The following AFAP1 variants were observed in gnomAD, a reference collection of about 807,000 sequenced individuals.
AFAP1 encodes actin filament associated protein 1.
A neutral mutation model predicts 93.9 loss-of-function variants in AFAP1; 75 were observed. The ratio of observed to expected loss-of-function variants is 0.80; its 90% CI spans 0.66 to 0.97. The LOEUF is 0.97. Among genes scored for constraint, AFAP1 ranks in the 50% least tolerant of loss-of-function variants. The pLI is 0.00. For synonymous variants in AFAP1, 517 were observed against 430.7 expected, an observed-to-expected ratio of 1.20 and a Z score of -2.48; for missense variants, 1,201 against 1,050.8, an observed-to-expected ratio of 1.14 and a Z score of -1.98.
At chr4:7,812,661 C>A (rs1720149942) in intron 8 of AFAP1, among the ~76,000 whole-genome samples, 1 of 152,154 alleles carries the variant, frequency 6.6e-6, no homozygotes, top group Non-Finnish European at 1.5e-5. Flanking sequence ...CACACGCTGG[C>A]CCATGAGGTG....
chr4:7,890,331 G>T (rs1025728621), intron 1 of AFAP1, among the ~76,000 whole-genome samples: 2 of 152,076 alleles, frequency 1.3e-5, no homozygotes, highest in Non-Finnish European at 2.9e-5. Flanking sequence ...GTCAGTATGG[G>T]GAAAACTAAA....
intron 1 of AFAP1, among the ~76,000 whole-genome samples, chr4:7,932,552 G>A (rs1721135640): frequency 6.6e-6 from 1 of 152,078 alleles, no homozygotes; most frequent in Non-Finnish European, 1.5e-5. Context: ...TCCCCATATG[G>A]GTGTTTCTTC....
chr4:7,815,899 A>T, intron 8 of AFAP1, 119 bp downstream of exon 8: 2 of 844,700 alleles, frequency 2.4e-6, no homozygotes, highest in Non-Finnish European at 3.7e-6. Context: ...GACGATATCT[A>T]CACATCTGAA....
chr4:7,897,862 C>T, intron 1 of AFAP1, among the ~76,000 whole-genome samples: 1 of 152,054 alleles, frequency 6.6e-6, no homozygotes, highest in Non-Finnish European at 1.5e-5. Flanking sequence ...TCTTTTTGGA[C>T]CTCAAATTTA....
intron 1 of AFAP1, among the ~76,000 whole-genome samples, chr4:7,920,766 C>T (rs1222472681): frequency 6.6e-6 from 1 of 151,952 alleles, no homozygotes; most frequent in Non-Finnish European, 1.5e-5. Flanking sequence ...AAGACAATTT[C>T]GATATGTTTG....
At chr4:7,884,160 C>A (rs371810409) in intron 1 of AFAP1, among the ~76,000 whole-genome samples, 1 of 152,162 alleles carries the variant, frequency 6.6e-6, no homozygotes, top group Non-Finnish European at 1.5e-5. Flanking sequence ...CACCTGCTCC[C>A]CCCTTCACCT....
chr4:7,801,278 C>G (rs547989498), intron 9 of AFAP1, among the ~76,000 whole-genome samples: 2 of 152,180 alleles, frequency 1.3e-5, no homozygotes, highest in Non-Finnish European at 2.9e-5. Flanking sequence ...CCTCAAACTG[C>G]AAAGCGACGG....
At position 7,781,530 on chromosome 4, in the gene AFAP1, G is replaced by T; in HGVS notation, c.1628C>A (p.Pro543Gln). The part of the protein sequence containing the change: ...NAGLYDNLPP[P>Q]HIFARYSPAD... ...AGGAGAGTAGCGGGCAAAGATGTGC[G>T]GAGGCGGCAAGTTATCGTACAGGCC... The change falls in exon 13 of 18, where the codon CCG (proline) becomes CAG (glutamine). Residue 543 changes from proline (P) to glutamine (Q), a missense_variant. Coordinates refer to ENST00000420658, the MANE Select transcript of AFAP1 (RefSeq NM_001134647.2). 1 of 1,552,136 alleles carries T rather than the reference G, an allele frequency of 6.4e-7. No individual in the cohort carries two copies. The highest frequency in any genetic ancestry group is 8.7e-7 in the Non-Finnish European group (1 of 1,147,092).
chr4:7,804,274 GCTCACCCAGGGC>G (rs1211735848), intron 9 of AFAP1, among the ~76,000 whole-genome samples: 2 of 152,204 alleles, frequency 1.3e-5, no homozygotes, highest in African/African-American at 4.8e-5. Flanking sequence ...GAGCTTCAAG[GCTCACCCAGGGC>G]GTCTCAAGAT....
At chr4:7,865,359 G>T (rs1012021783) in intron 3 of AFAP1, among the ~76,000 whole-genome samples, 1 of 152,186 alleles carries the variant, frequency 6.6e-6, no homozygotes, top group Non-Finnish European at 1.5e-5. Flanking sequence ...GGTAGCTCAC[G>T]CCTGTAATTC....
chr4:7,801,192 A>G (rs1252482384), intron 9 of AFAP1, among the ~76,000 whole-genome samples: 1 of 152,222 alleles, frequency 6.6e-6, no homozygotes, highest in Non-Finnish European at 1.5e-5. Flanking sequence ...CAGCGCTGGA[A>G]GCAGCCCGCA....
At chr4:7,933,040 A>AAAAAC (rs1553858303) in intron 1 of AFAP1, among the ~76,000 whole-genome samples, 1 of 118,848 alleles carries the variant, frequency 8.4e-6, no homozygotes. Flanking sequence ...AAAAAAAAAA[A>AAAAAC]GGGGGGGGAT....
intron 7 of AFAP1, among the ~76,000 whole-genome samples, chr4:7,817,098 T>G (rs892465120): frequency 6.6e-6 from 1 of 152,156 alleles, no homozygotes. Flanking sequence ...ATGAGGAACT[T>G]GGATGCAGTA....
At chr4:7,930,201 A>G (rs1012033433) in intron 1 of AFAP1, among the ~76,000 whole-genome samples, 3 of 152,248 alleles carry the variant, frequency 2.0e-5, no homozygotes, top group African/African-American at 7.2e-5. Context: ...GCCAAATGCA[A>G]GAGACGCACA....
At chr4:7,804,883 T>C (rs1240525154) in intron 9 of AFAP1, among the ~76,000 whole-genome samples, 1 of 152,164 alleles carries the variant, frequency 6.6e-6, no homozygotes. Context: ...AGAAGCAGCT[T>C]TCGGAGAAAC....
chr4:7,828,498 T>C (rs756573053), intron 6 of AFAP1, among the ~76,000 whole-genome samples: 14 of 152,156 alleles, frequency 9.2e-5, no homozygotes, highest in African/African-American at 3.1e-4. Context: ...GAAGCGGTGA[T>C]GTAAGTCCAG....
intron 6 of AFAP1, among the ~76,000 whole-genome samples, chr4:7,824,705 G>A (rs1469768936): frequency 2.0e-5 from 3 of 152,128 alleles, no homozygotes; most frequent in Non-Finnish European, 2.9e-5. Context: ...ATGCCTACAC[G>A]TGAATGGAGA....
At chr4:7,905,562 ATTTC>A (rs1411188822) in intron 1 of AFAP1, among the ~76,000 whole-genome samples, 1 of 152,180 alleles carries the variant, frequency 6.6e-6, no homozygotes, top group Non-Finnish European at 1.5e-5. Flanking sequence ...TTCTAAAAAG[ATTTC>A]TTTTTCACAT....
At chr4:7,806,977 T>A (rs1719570291) in intron 9 of AFAP1, among the ~76,000 whole-genome samples, 1 of 152,080 alleles carries the variant, frequency 6.6e-6, no homozygotes, top group Non-Finnish European at 1.5e-5. Flanking sequence ...GGGGAAGGGA[T>A]AAGGGGAAGG....
Sources: allele counts gnomAD v4.1 joint callset (sites outside exome capture counted in the v4.1 genomes callset), GRCh38; gene constraint gnomAD v4.1.1; transcripts MANE v1.5; gene names NCBI Gene and HGNC (gene_info 2026-07-23, HGNC 2026-07-21).